The following SCN9A variants were observed in gnomAD, a reference collection of about 807,000 sequenced individuals.
SCN9A encodes the protein sodium voltage-gated channel alpha subunit 9.
In SCN9A, 131 loss-of-function variants were observed where a neutral mutation model predicts 187.0. The observed-to-expected ratio is 0.70, with a 90% CI of 0.61 to 0.81. SCN9A has a LOEUF of 0.81. SCN9A is among the 30% of genes least tolerant of loss of function. The probability of loss-of-function intolerance (pLI) is 0.00; values close to 1 mark genes in which losing one functional copy is unlikely to be tolerated. For missense variants in SCN9A, 2,252 were observed against 2,396.6 expected (o/e 0.94, Z 1.26); for synonymous variants, 809 against 808.6 (o/e 1.00, Z -0.01).
At chr2:166,317,797 CA>C (rs1236240472) in intron 1 of SCN9A, among the ~76,000 whole-genome samples, 1 of 152,030 alleles carries the variant, frequency 6.6e-6, no homozygotes, top group African/African-American at 2.4e-5. Context: ...ATTTCCATTG[CA>C]GTAAAAACAA....
intron 13 of SCN9A, 35 bp from the exon 14 acceptor site, chr2:166,280,630 A>G (rs1035108772): frequency 1.6e-6 from 2 of 1,274,786 alleles, no homozygotes; most frequent in African/African-American, 1.5e-5. Context: ...GGAGTCAGCC[A>G]TTTGTCTGTT....
At chr2:166,313,902 AATGGGTTACTAATTGGCCTAATT>A (rs1377896750) in intron 1 of SCN9A, among the ~76,000 whole-genome samples, 1 of 152,176 alleles carries the variant, frequency 6.6e-6, no homozygotes, top group East Asian at 1.9e-4. Context: ...TAGGGGTGGG[AATGGGTTACTAATTGGCCTAATT>A]TTAACATCGT....
At chr2:166,331,471 T>C (rs1226893183) in intron 1 of SCN9A, among the ~76,000 whole-genome samples, 2 of 152,208 alleles carry the variant, frequency 1.3e-5, no homozygotes, top group South Asian at 2.1e-4. Context: ...TAATCTTATA[T>C]ACTCTAAATC....
chr2:166,368,831 T>C (rs1700482396), intron 1 of SCN9A, among the ~76,000 whole-genome samples: 1 of 150,832 alleles, frequency 6.6e-6, no homozygotes, highest in South Asian at 2.1e-4. Flanking sequence ...CTACTAAAAA[T>C]ACAAAATTAG....
chr2:166,280,989 C>T (rs1697460088), intron 13 of SCN9A, among the ~76,000 whole-genome samples: 1 of 152,048 alleles, frequency 6.6e-6, no homozygotes, highest in Non-Finnish European at 1.5e-5. Context: ...CTATTCTGTC[C>T]AGAAAAAACT....
At chr2:166,282,718 G>A (rs1299935826) in intron 12 of SCN9A, among the ~76,000 whole-genome samples, 2 of 152,082 alleles carry the variant, frequency 1.3e-5, no homozygotes, top group African/African-American at 2.4e-5. Flanking sequence ...GTATAGTCAT[G>A]CATGTATGTG....
chr2:166,311,839 A>G (rs201155458), intron 1 of SCN9A, 33 bp from the exon 2 acceptor site: 1 of 1,363,502 alleles, frequency 7.3e-7, no homozygotes, highest in Non-Finnish European at 9.8e-7. Flanking sequence ...AGACTTAACT[A>G]TTTGCCTGCC....
At chr2:166,293,548 A>G (rs755603526) in intron 8 of SCN9A, among the ~76,000 whole-genome samples, 176 bp from the exon 9 acceptor site, 2 of 152,224 alleles carry the variant, frequency 1.3e-5, no homozygotes, top group African/African-American at 2.4e-5. Flanking sequence ...TCTTCAAGGC[A>G]TAAGTCTGTC....
chr2:166,202,173 G>GT (rs941437141), intron 26 of SCN9A, among the ~76,000 whole-genome samples: 188 of 146,596 alleles, frequency 1.3e-3, no homozygotes, highest in African/African-American at 4.4e-3. Context: ...AGAATATTTT[G>GT]TTTTTTTGTG....
intron 1 of SCN9A, among the ~76,000 whole-genome samples, chr2:166,363,667 G>A (rs913006935): frequency 1.3e-5 from 2 of 152,030 alleles, no homozygotes; most frequent in African/African-American, 4.8e-5. Flanking sequence ...CTCTCTTAGA[G>A]TCTACGAATT....
At chr2:166,265,280 G>C (rs1046352918) in intron 17 of SCN9A, among the ~76,000 whole-genome samples, 1 of 151,856 alleles carries the variant, frequency 6.6e-6, no homozygotes, top group African/African-American at 2.4e-5. Context: ...CAACCCTTTA[G>C]ATTCCACATA....
chr2:166,330,217 T>C (rs1168702857), intron 1 of SCN9A, among the ~76,000 whole-genome samples: 1 of 152,158 alleles, frequency 6.6e-6, no homozygotes, highest in Non-Finnish European at 1.5e-5. Context: ...TCCCAGTTTG[T>C]GGCCAATTGT....
intron 20 of SCN9A, 74 bp downstream of exon 20, chr2:166,238,020 A>T (rs1695396594): frequency 9.9e-7 from 1 of 1,015,062 alleles, no homozygotes. Context: ...GATAATATGC[A>T]ATAGTGGTGA....
At chr2:166,203,790 TGA>T (rs1693659014) in intron 26 of SCN9A, among the ~76,000 whole-genome samples, 163 bp downstream of exon 26, 1 of 151,952 alleles carries the variant, frequency 6.6e-6, no homozygotes, top group African/African-American at 2.4e-5. Flanking sequence ...CACTGTAGTA[TGA>T]GAGACAGATA....
intron 1 of SCN9A, among the ~76,000 whole-genome samples, chr2:166,362,620 C>T (rs1700312754): frequency 1.3e-5 from 2 of 151,886 alleles, no homozygotes; most frequent in Non-Finnish European, 2.9e-5. Context: ...TCCTATCCTT[C>T]CTCAAATTTA....
rs1238316249 is a variant in SCN9A, at chr2:166,340,604, T to TTC, written c.-50-28799_-50-28798insGA. On this transcript the variant is annotated intron_variant, in intron 1 of 26. Transcript: ENST00000642356. ...TTTCTTTCTTTCTTTCTTTCTTTCTTTTTCTTTCTTTCTTTCCTTTCTCTT... is the reference window on the plus strand; with the variant it reads ...TTTCTTTCTTTCTTTCTTTCTTTCTTTCTTTCTTTCTTTCTTTCCTTTCTCTT... 2.9e-3 allele frequency among the ~76,000 whole-genome samples: 207 copies of TTC among 72,022 alleles called. 2 individuals carry two copies. Among genetic ancestry groups the TTC allele is most frequent in the African/African-American group, 6.8e-3 (63 of 9,240 alleles). The allele number at this position is 72,022 out of a possible 152,430, so 47.2% of individuals were successfully genotyped here.
chr2:166,281,307 T>G (rs1272631764), intron 13 of SCN9A, among the ~76,000 whole-genome samples: 4 of 152,134 alleles, frequency 2.6e-5, no homozygotes, highest in Non-Finnish European at 5.9e-5. Flanking sequence ...AATATGTAAT[T>G]TGTAAGATTA....
Position 166,199,393 on chromosome 2 carries a change from A to G in SCN9A, c.5246T>C (p.Leu1749Pro). Residue 1749 changes from leucine to proline, a missense_variant, in exon 27 of 27, where the codon CTG becomes CCG. Leu to Pro is a moderately conservative substitution (Grantham distance 98). This residue lies in a region of SCN9A where 345 missense variants were observed against 344.6 expected (regional missense o/e 1.00). Coordinates refer to ENST00000642356, the MANE Select transcript of SCN9A (RefSeq NM_001365536.1). ...YFVSYIIISF[L>P]VVVNMYIAVI... ...TGCAATGTACATGTTCACCACAACC[A>G]GGAAGGATATGATGATATAACTAAC... 1 of 1,614,226 alleles carries G rather than the reference A, an allele frequency of 6.2e-7. No homozygotes were observed. The highest frequency in any genetic ancestry group is 8.5e-7 in the Non-Finnish European group (1 of 1,180,030).
chr2:166,340,492 TC>T (rs543122161), intron 1 of SCN9A, among the ~76,000 whole-genome samples: 39 of 141,112 alleles, frequency 2.8e-4, no homozygotes, highest in African/African-American at 7.0e-4. Context: ...TTTCTTTTTT[TC>T]TTTCTTTCTT....
Sources: allele counts gnomAD v4.1 joint callset (sites outside exome capture counted in the v4.1 genomes callset), GRCh38; gene constraint gnomAD v4.1.1; regional missense constraint gnomAD v4.1.1; transcripts MANE v1.5; gene names NCBI Gene and HGNC (gene_info 2026-07-23, HGNC 2026-07-21).